The following TRDN variants were observed in gnomAD, a reference collection of about 807,000 sequenced individuals.
TRDN encodes triadin in skeletal muscle.
TRDN carries 161 observed loss-of-function variants against 149.7 expected under a neutral mutation model. The observed-to-expected ratio is 1.08, with a 90% confidence interval of 0.95 to 1.23. TRDN has a LOEUF of 1.23. TRDN is among the 50% of genes most tolerant of loss of function. The pLI is 0.00. For synonymous variants in TRDN, 294 were observed against 250.5 expected, an observed-to-expected ratio of 1.17 and a Z score of -1.64; for missense variants, 896 against 823.5, an observed-to-expected ratio of 1.09 and a Z score of -1.08.
chr6:123,579,893 G>T (rs911457173), intron 1 of TRDN, among the ~76,000 whole-genome samples: 3 of 152,110 alleles, frequency 2.0e-5, no homozygotes, highest in Non-Finnish European at 4.4e-5. Context: ...TCTCCTTCTT[G>T]CTACCCTGAA....
intron 32 of TRDN, among the ~76,000 whole-genome samples, chr6:123,267,264 T>G (rs1307160208): frequency 6.6e-6 from 1 of 151,968 alleles, no homozygotes; most frequent in Non-Finnish European, 1.5e-5. Flanking sequence ...AAAAATTGAA[T>G]GACATTTTAA....
intron 1 of TRDN, among the ~76,000 whole-genome samples, chr6:123,599,498 G>A (rs1316758523): frequency 2.0e-5 from 3 of 152,002 alleles, no homozygotes; most frequent in African/African-American, 7.2e-5. Flanking sequence ...TTTCATTCAT[G>A]TAAAAATCAT....
intron 21 of TRDN, among the ~76,000 whole-genome samples, chr6:123,341,086 T>C (rs891241202): frequency 1.3e-5 from 2 of 151,890 alleles, no homozygotes; most frequent in East Asian, 1.9e-4. Context: ...CTCCAACATA[T>C]AAAATTTATA....
intron 10 of TRDN, among the ~76,000 whole-genome samples, chr6:123,459,303 G>A (rs1049743444): frequency 2.0e-5 from 3 of 152,134 alleles, no homozygotes; most frequent in Non-Finnish European, 4.4e-5. Context: ...TGGCCTATAA[G>A]AGCAACATCC....
intron 9 of TRDN, among the ~76,000 whole-genome samples, chr6:123,494,981 G>T (rs1778381491): frequency 1.3e-5 from 2 of 151,722 alleles, no homozygotes; most frequent in Non-Finnish European, 2.9e-5. Flanking sequence ...TGATCCGCCC[G>T]CCTCAGCCTC....
At chr6:123,346,323 G>A (rs995742224) in intron 21 of TRDN, among the ~76,000 whole-genome samples, 2 of 151,892 alleles carry the variant, frequency 1.3e-5, no homozygotes, top group African/African-American at 4.8e-5. Flanking sequence ...TGATGTTATT[G>A]ATTACTTAAA....
chr6:123,251,976 A>G (rs1277325118), intron 38 of TRDN, among the ~76,000 whole-genome samples: 3 of 152,014 alleles, frequency 2.0e-5, no homozygotes, highest in South Asian at 2.1e-4. Flanking sequence ...TTAAATTACA[A>G]TTTAGGTTTC....
At chr6:123,231,483 T>A (rs1775598575) in intron 38 of TRDN, among the ~76,000 whole-genome samples, 1 of 151,960 alleles carries the variant, frequency 6.6e-6, no homozygotes. Context: ...GGCAGCAGTA[T>A]TAGGAATATA....
chr6:123,450,591 A>C (rs1775709724), intron 10 of TRDN, among the ~76,000 whole-genome samples: 1 of 152,222 alleles, frequency 6.6e-6, no homozygotes, highest in Non-Finnish European at 1.5e-5. Flanking sequence ...GAGCTCCCAA[A>C]GTTATAAAAC....
chr6:123,505,831 C>A (rs1412463057), intron 7 of TRDN, among the ~76,000 whole-genome samples: 2 of 152,030 alleles, frequency 1.3e-5, no homozygotes, highest in Non-Finnish European at 2.9e-5. Context: ...TCCCAAGTAG[C>A]TGGGATTACA....
At chr6:123,231,762 G>A (rs1383185087) in intron 38 of TRDN, among the ~76,000 whole-genome samples, 1 of 151,930 alleles carries the variant, frequency 6.6e-6, no homozygotes, top group East Asian at 1.9e-4. Context: ...TGAATGCAAT[G>A]GTTTAGAGGA....
chr6:123,434,859 G>A (rs1774487888), intron 12 of TRDN, among the ~76,000 whole-genome samples: 1 of 151,668 alleles, frequency 6.6e-6, no homozygotes, highest in South Asian at 2.1e-4. Flanking sequence ...ATAAAGGAGT[G>A]TTATAATTAA....
chr6:123,527,305 G>C (rs996931065), intron 5 of TRDN, among the ~76,000 whole-genome samples: 1 of 151,908 alleles, frequency 6.6e-6, no homozygotes, highest in African/African-American at 2.4e-5. Context: ...ATTCTTTGAA[G>C]TTAGTCTGTA....
At chr6:123,472,129 A>G (rs1406100918) in intron 9 of TRDN, among the ~76,000 whole-genome samples, 1 of 152,216 alleles carries the variant, frequency 6.6e-6, no homozygotes, top group Non-Finnish European at 1.5e-5. Context: ...AGCGTGAGCG[A>G]CGCAGAAGAC....
In TRDN at chr6:123,548,590, GC is replaced by G; in HGVS notation, c.254del (p.Gly85AlafsTer5). The G allele has an allele frequency of 6.7e-7, 1 of 1,483,462 alleles. No individual in the cohort carries two copies. The highest frequency in any genetic ancestry group is 1.5e-5 in the South Asian group (1 of 67,670). 91.9% of individuals were successfully genotyped at this position (1,483,462 alleles called of 1,614,324 possible). A position where few individuals can be genotyped will look rare whatever the true frequency, so the allele number is the denominator to read the frequency against. On this transcript the variant is annotated frameshift_variant, in exon 3 of 41. Transcript: ENST00000334268. LOFTEE classifies it high-confidence loss of function. ...CACGTACCAGTTTTAAAGGATCTGA[GC>G]CAATCTTGGCAATAGAGCTTGCTAA... Reference protein sequence around the residue: ...NFSASSIAKIGSDPLKLVRDA... With the variant: ...NFSASSIAKIXSDPLKLVRDA...
chr6:123,240,645 C>T (rs1775956553), intron 38 of TRDN, among the ~76,000 whole-genome samples: 1 of 151,744 alleles, frequency 6.6e-6, no homozygotes, highest in South Asian at 2.1e-4. Context: ...CATAATTGGG[C>T]ATGAATAACA....
intron 24 of TRDN, among the ~76,000 whole-genome samples, chr6:123,314,202 A>G (rs1339452698): frequency 6.6e-6 from 1 of 152,072 alleles, no homozygotes; most frequent in African/African-American, 2.4e-5. Context: ...ATGAACAGAC[A>G]CTTTTCAATA....
chr6:123,322,607 TTAAAA>T (rs1326315422), intron 23 of TRDN, among the ~76,000 whole-genome samples: 1 of 135,566 alleles, frequency 7.4e-6, no homozygotes, highest in Non-Finnish European at 1.6e-5. Context: ...AGCTCTTTTT[TTAAAA>T]TTTATTATTA....
intron 23 of TRDN, among the ~76,000 whole-genome samples, chr6:123,317,000 C>T (rs1392546101): frequency 6.6e-6 from 1 of 151,380 alleles, no homozygotes; most frequent in Non-Finnish European, 1.5e-5. Context: ...TCAATTTTAC[C>T]TAAATTTAAT....
Sources: allele counts gnomAD v4.1 joint callset (sites outside exome capture counted in the v4.1 genomes callset), GRCh38; gene constraint gnomAD v4.1.1; transcripts MANE v1.5; gene names NCBI Gene and HGNC (gene_info 2026-07-23, HGNC 2026-07-21).